FMN1: variants seen among roughly 807,000 people sequenced by gnomAD.
FMN1 encodes the protein formin 1.
FMN1 carries 110 observed loss-of-function variants against 132.4 expected under a neutral mutation model. That is an observed-to-expected ratio of 0.83 (90% CI 0.71 to 0.97). The LOEUF (loss-of-function observed/expected upper bound fraction) is 0.97, where lower values mean the gene tolerates loss of function less well. Ranked by LOEUF, FMN1 falls within the 50% of genes least tolerant of loss-of-function variation. The pLI is 0.00. For synonymous variants in FMN1, 722 were observed against 651.7 expected (o/e 1.11, Z -1.64); for missense variants, 1,792 against 1,705.3 (o/e 1.05, Z -0.90).
chr15:32,896,948 A>G (rs2060174096), intron 15 of FMN1, among the ~76,000 whole-genome samples: 2 of 152,212 alleles, frequency 1.3e-5, no homozygotes, highest in Non-Finnish European at 2.9e-5. Flanking sequence ...TTGTCTGATC[A>G]TATGGTAGTT....
At chr15:33,064,890 A>G (rs1214033551) in intron 6 of FMN1, 67 bp downstream of exon 6, 1 of 1,084,604 alleles carries the variant, frequency 9.2e-7, no homozygotes, top group Non-Finnish European at 1.4e-6. Flanking sequence ...AGAGTCAACT[A>G]AGCTAGAACT....
chr15:33,006,526 C>T (rs1242477257), intron 7 of FMN1, among the ~76,000 whole-genome samples: 1 of 152,052 alleles, frequency 6.6e-6, no homozygotes, highest in Non-Finnish European at 1.5e-5. Flanking sequence ...ACCTAGAAAT[C>T]CCACTACTGG....
intron 18 of FMN1, among the ~76,000 whole-genome samples, chr15:32,802,330 A>G (rs2057507662): frequency 1.3e-5 from 2 of 152,236 alleles, no homozygotes; most frequent in African/African-American, 2.4e-5. Flanking sequence ...TGAGATCCAG[A>G]GCGGAACACA....
intron 16 of FMN1, among the ~76,000 whole-genome samples, chr15:32,861,679 G>A (rs1432799486): frequency 2.6e-5 from 4 of 152,178 alleles, no homozygotes; most frequent in African/African-American, 7.2e-5. Flanking sequence ...CATGGCTGGG[G>A]ATTATTTGCT....
intron 4 of FMN1, among the ~76,000 whole-genome samples, chr15:33,114,668 C>T (rs776272906): frequency 1.3e-5 from 2 of 152,170 alleles, no homozygotes; most frequent in South Asian, 4.1e-4. Flanking sequence ...TTGGAGAGAG[C>T]CTGTGGGTAA....
chr15:32,793,867 CAATA>C (rs1011481861), intron 19 of FMN1, among the ~76,000 whole-genome samples: 1 of 152,150 alleles, frequency 6.6e-6, no homozygotes, highest in African/African-American at 2.4e-5. Context: ...AAGCAGAATT[CAATA>C]AATAACAATT....
At position 32,883,275 on chromosome 15, in the gene FMN1, G is replaced by A. The variant is rs533884267; in HGVS notation, c.3835+4897C>T. Among the ~76,000 whole-genome samples the A allele has an allele frequency of 9.2e-5, 14 of 152,162 alleles. 1 individual carries two copies. Among genetic ancestry groups the A allele is most frequent in the African/African-American group, 2.6e-4 (11 of 41,512 alleles). ...CCTGGCACTATGGGAGGCCAAGGCC[G>A]GAGGATCGCTTGAGCCCAGGAAATT... On this transcript the variant is annotated intron_variant, in intron 16 of 20. Transcript: ENST00000616417.
chr15:33,112,915 C>T (rs2039767057), intron 4 of FMN1, among the ~76,000 whole-genome samples: 1 of 152,122 alleles, frequency 6.6e-6, no homozygotes, highest in Admixed American at 6.5e-5. Flanking sequence ...TTACAGCTGC[C>T]CTAGGCAGTC....
At chr15:33,175,384 T>C (rs543201828) in intron 3 of FMN1, among the ~76,000 whole-genome samples, 1 of 152,150 alleles carries the variant, frequency 6.6e-6, no homozygotes, top group Non-Finnish European at 1.5e-5. Context: ...GAATTATTCT[T>C]TAAGAGCTAG....
At position 32,881,581 on chromosome 15, in the gene FMN1, G is replaced by C. The variant is rs144676267; in HGVS notation, c.3835+6591C>G. Among the ~76,000 whole-genome samples the C allele has an allele frequency of 3.5e-3, 536 of 152,202 alleles. 3 individuals are homozygous for C. Among genetic ancestry groups the C allele is most frequent in the African/African-American group, 0.012 (507 of 41,526 alleles). The stretch of plus-strand genomic sequence containing the variant: ...CCAAAGTGACTTTTCCCCCTTACTA[G>C]AACCATATTGTTGTTTATGGGCCAT... On this transcript the variant is annotated intron_variant, in intron 16 of 20. Coordinates refer to ENST00000616417, the MANE Select transcript of FMN1 (RefSeq NM_001277313.2).
intron 7 of FMN1, among the ~76,000 whole-genome samples, chr15:33,000,451 GAA>G (rs35351686): frequency 6.1e-5 from 7 of 115,640 alleles, no homozygotes; most frequent in Middle Eastern, 4.9e-3. Flanking sequence ...TCCATCTCAG[GAA>G]AAAAAAAAAA....
chr15:32,928,853 G>T (rs2061028613), intron 9 of FMN1, among the ~76,000 whole-genome samples: 3 of 152,308 alleles, frequency 2.0e-5, no homozygotes, highest in Middle Eastern at 3.4e-3. Context: ...TACAAGAAAG[G>T]TAATGTACAA....
At chr15:33,058,377 A>C (rs529874152) in intron 6 of FMN1, among the ~76,000 whole-genome samples, 1 of 152,318 alleles carries the variant, frequency 6.6e-6, no homozygotes, top group South Asian at 2.1e-4. Flanking sequence ...ATTTTCTCTA[A>C]AACCCAGTAA....
chr15:33,093,968 G>A (rs1488192579), intron 4 of FMN1, among the ~76,000 whole-genome samples: 6 of 152,198 alleles, frequency 3.9e-5, no homozygotes, highest in Non-Finnish European at 8.8e-5. Context: ...CAAAACCCAT[G>A]AAGATTGCAG....
chr15:32,998,028 C>T (rs754846234), intron 7 of FMN1, among the ~76,000 whole-genome samples: 1 of 152,154 alleles, frequency 6.6e-6, no homozygotes, highest in Non-Finnish European at 1.5e-5. Context: ...CTACAGGCTC[C>T]AGGCAATCAA....
chr15:32,938,024 GTA>G (rs1269909797), intron 9 of FMN1, among the ~76,000 whole-genome samples: 1 of 152,080 alleles, frequency 6.6e-6, no homozygotes, highest in African/African-American at 2.4e-5. Context: ...TGAGGAGAAT[GTA>G]TTGGAAGTAG....
intron 3 of FMN1, among the ~76,000 whole-genome samples, chr15:33,177,898 CT>C: frequency 6.6e-6 from 1 of 152,184 alleles, no homozygotes; most frequent in Middle Eastern, 3.4e-3. Flanking sequence ...ATCCCAGCTA[CT>C]TGGGAGGCTG....
At chr15:33,048,631 C>CAAAAAAAAAAAAAAA (rs768997793) in intron 6 of FMN1, among the ~76,000 whole-genome samples, 2 of 43,438 alleles carry the variant, frequency 4.6e-5, no homozygotes, top group Non-Finnish European at 9.9e-5. Flanking sequence ...GGCAATTTAC[C>CAAAAAAAAAAAAAAA]AAAAAAAAAA....
intron 6 of FMN1, among the ~76,000 whole-genome samples, chr15:33,052,866 T>C (rs2037041635): frequency 6.6e-6 from 1 of 152,096 alleles, no homozygotes; most frequent in African/African-American, 2.4e-5. Flanking sequence ...CACCTTTGAG[T>C]GGTGTCTTTA....
Sources: gnomAD v4.1 joint callset for allele counts (sites outside exome capture counted in the v4.1 genomes callset) on GRCh38, gnomAD v4.1.1 for gene constraint, MANE v1.5 for transcripts, NCBI Gene and HGNC (gene_info 2026-07-23, HGNC 2026-07-21) for gene names.